The following ULK4 variants were observed in gnomAD, a reference collection of about 807,000 sequenced individuals.
The protein encoded by ULK4 is inactive serine/threonine-protein kinase ULK4.
ULK4 carries 133 observed loss-of-function variants against 160.6 expected under a neutral mutation model. The ratio of observed to expected loss-of-function variants is 0.83; its 90% CI spans 0.72 to 0.96. ULK4 has a LOEUF of 0.96. Ranked by LOEUF, ULK4 falls within the 40% of genes least tolerant of loss-of-function variation. The probability of loss-of-function intolerance (pLI) is 0.00; values close to 1 mark genes in which losing one functional copy is unlikely to be tolerated. For synonymous variants in ULK4, 534 were observed against 539.8 expected (o/e 0.99, Z 0.15); for missense variants, 1,580 against 1,499.5 (o/e 1.05, Z -0.89).
intron 31 of ULK4, among the ~76,000 whole-genome samples, chr3:41,607,085 T>C (rs1427281873): frequency 6.6e-6 from 1 of 152,134 alleles, no homozygotes; most frequent in Non-Finnish European, 1.5e-5. Flanking sequence ...CATTTTGAGG[T>C]CTTACATTTA....
chr3:41,625,422 G>C (rs1005976295), intron 30 of ULK4, among the ~76,000 whole-genome samples: 1 of 152,062 alleles, frequency 6.6e-6, no homozygotes, highest in African/African-American at 2.4e-5. Flanking sequence ...ACAAGCATAG[G>C]TCCAATTGGT....
At chr3:41,279,184 GA>G (rs1028399497) in intron 35 of ULK4, among the ~76,000 whole-genome samples, 4 of 135,570 alleles carry the variant, frequency 3.0e-5, no homozygotes, top group African/African-American at 1.1e-4. Flanking sequence ...TCAAGTGGAA[GA>G]AAGGATATCA....
chr3:41,521,778 A>G (rs1459102032), intron 32 of ULK4, among the ~76,000 whole-genome samples: 1 of 152,254 alleles, frequency 6.6e-6, no homozygotes, highest in Non-Finnish European at 1.5e-5. Context: ...GCTTCAACAC[A>G]AACACATAAA....
intron 29 of ULK4, among the ~76,000 whole-genome samples, chr3:41,665,483 T>C (rs991829498): frequency 1.3e-5 from 2 of 152,036 alleles, no homozygotes; most frequent in East Asian, 3.9e-4. Context: ...GGGTAATGAG[T>C]CAAGACAATG....
chr3:41,717,388 C>T (rs1363163779), intron 23 of ULK4, among the ~76,000 whole-genome samples: 3 of 149,190 alleles, frequency 2.0e-5, no homozygotes, highest in African/African-American at 7.4e-5. Flanking sequence ...CTGATTTAGG[C>T]AAAAAAAAAC....
At chr3:41,661,029 T>G (rs1387782561) in intron 30 of ULK4, among the ~76,000 whole-genome samples, 1 of 152,216 alleles carries the variant, frequency 6.6e-6, no homozygotes, top group Non-Finnish European at 1.5e-5. Flanking sequence ...TTATCATTTT[T>G]AAAATTATTT....
chr3:41,501,499 A>G (rs1487704263), intron 32 of ULK4, among the ~76,000 whole-genome samples: 3 of 152,200 alleles, frequency 2.0e-5, no homozygotes, highest in African/African-American at 7.2e-5. Flanking sequence ...CTCCGTCTCA[A>G]AACAAACAAA....
At chr3:41,376,544 A>G (rs964293339) in intron 35 of ULK4, among the ~76,000 whole-genome samples, 39 of 150,054 alleles carry the variant, frequency 2.6e-4, no homozygotes, top group Admixed American at 2.0e-4. Flanking sequence ...TACAAAATCA[A>G]TGTACAAAAA....
intron 31 of ULK4, among the ~76,000 whole-genome samples, chr3:41,602,543 G>A (rs1203469898): frequency 1.3e-5 from 2 of 152,094 alleles, no homozygotes; most frequent in Non-Finnish European, 2.9e-5. Context: ...TAACAATGGA[G>A]AAACTAGGTA....
intron 35 of ULK4, among the ~76,000 whole-genome samples, chr3:41,324,200 AAAG>A (rs1168325929): frequency 6.6e-6 from 1 of 152,224 alleles, no homozygotes; most frequent in Non-Finnish European, 1.5e-5. Context: ...AAAGGGACAT[AAAG>A]AAGATGTAGG....
At chr3:41,636,804 A>G (rs1311287494) in intron 30 of ULK4, among the ~76,000 whole-genome samples, 3 of 150,476 alleles carry the variant, frequency 2.0e-5, no homozygotes, top group Non-Finnish European at 4.4e-5. Context: ...TTTAAATAAC[A>G]TTTTAATGGG....
intron 30 of ULK4, among the ~76,000 whole-genome samples, chr3:41,618,899 A>T (rs1412205172): frequency 6.6e-6 from 1 of 152,090 alleles, no homozygotes; most frequent in Non-Finnish European, 1.5e-5. Flanking sequence ...GCAAAGACAA[A>T]CATGGCCTCA....
At chr3:41,650,683 C>T (rs1436615896) in intron 30 of ULK4, among the ~76,000 whole-genome samples, 15 of 152,246 alleles carry the variant, frequency 9.9e-5, no homozygotes, top group Admixed American at 9.2e-4. Context: ...CGAGTGCAGC[C>T]TGCTGAGCCG....
At chr3:41,485,260 C>T (rs2084483082) in intron 32 of ULK4, among the ~76,000 whole-genome samples, 2 of 152,088 alleles carry the variant, frequency 1.3e-5, no homozygotes, top group African/African-American at 4.8e-5. Context: ...AAAATAAGAT[C>T]ATCTAGCAAG....
chr3:41,773,837 G>A (rs569376406), intron 21 of ULK4, among the ~76,000 whole-genome samples: 1 of 152,284 alleles, frequency 6.6e-6, no homozygotes, highest in Admixed American at 6.5e-5. Context: ...CAAGGCTACG[G>A]TAACCAAAAC....
chr3:41,942,094 G>A (rs533959494), intron 2 of ULK4, among the ~76,000 whole-genome samples: 24 of 152,310 alleles, frequency 1.6e-4, no homozygotes, highest in African/African-American at 5.5e-4. Context: ...GGTGTTCAAT[G>A]TGGGAGCGAT....
Position 41,789,712 on chromosome 3 carries a change from G to A in ULK4, c.2142C>T (p.Phe714=), listed in dbSNP as rs766803228. The A allele has an allele frequency of 9.3e-6, 15 of 1,611,578 alleles. No individual in the cohort carries two copies. The highest frequency in any genetic ancestry group is 4.0e-5 in the African/African-American group (3 of 74,766). Residue 714 remains phenylalanine (F), a synonymous_variant, in exon 21 of 37, where the codon TTC becomes TTT. Transcript: ENST00000301831. ...CKVQQYMLTL[F]AAMLSCGIHL... ...GAATCCCACAGGACAACATGGCAGCGAATAAGGTCAACATGTACTGCTGAA... is the reference window on the plus strand; with the variant it reads ...GAATCCCACAGGACAACATGGCAGCAAATAAGGTCAACATGTACTGCTGAA...
intron 34 of ULK4, among the ~76,000 whole-genome samples, chr3:41,409,892 T>C (rs1344594738): frequency 6.6e-6 from 1 of 151,226 alleles, no homozygotes; most frequent in Non-Finnish European, 1.5e-5. Context: ...GAGGTTGCAG[T>C]GAGCAGAGAT....
intron 32 of ULK4, among the ~76,000 whole-genome samples, chr3:41,562,860 A>G (rs1403677372): frequency 6.6e-6 from 1 of 152,110 alleles, no homozygotes; most frequent in Non-Finnish European, 1.5e-5. Context: ...GCCCATTTAC[A>G]TTTAAGGTTA....
Sources: allele counts gnomAD v4.1 joint callset (sites outside exome capture counted in the v4.1 genomes callset), GRCh38; gene constraint gnomAD v4.1.1; transcripts MANE v1.5; gene names NCBI Gene and HGNC (gene_info 2026-07-23, HGNC 2026-07-21).